ALK: variants seen among roughly 807,000 people sequenced by gnomAD.
ALK encodes the protein ALK receptor tyrosine kinase.
A neutral mutation model predicts 163.1 loss-of-function variants in ALK; 74 were observed. That is an observed-to-expected ratio of 0.45 (90% CI 0.38 to 0.55). The LOEUF is 0.55. Ranked by LOEUF, ALK falls within the 20% of genes least tolerant of loss-of-function variation. The pLI, the probability that ALK is intolerant of heterozygous loss-of-function variation, is 0.00. For missense variants in ALK, 2,063 were observed against 2,105.3 expected (o/e 0.98, Z 0.39); for synonymous variants, 960 against 843.2 (o/e 1.14, Z -2.40).
rs151065706 is a variant in ALK at position 29,708,631 on chromosome 2, A to G, written c.787+8947T>C. ...TTCAAGGGATGAGTTGTGTAAAGCAACAGATGGGACTGAAATGTGAGAAAA... is the reference window on the plus strand; with the variant it reads ...TTCAAGGGATGAGTTGTGTAAAGCAGCAGATGGGACTGAAATGTGAGAAAA... On this transcript the variant is annotated intron_variant, in intron 2 of 28. Transcript: ENST00000389048. Among the ~76,000 whole-genome samples the G allele has an allele frequency of 1.8e-3, 278 of 152,296 alleles. 1 individual carries two copies. Among genetic ancestry groups the G allele is most frequent in the African/African-American group, 6.1e-3 (255 of 41,562 alleles).
intron 4 of ALK, among the ~76,000 whole-genome samples, chr2:29,438,453 T>C (rs989671434): frequency 6.6e-6 from 1 of 152,220 alleles, no homozygotes; most frequent in Admixed American, 6.5e-5. Flanking sequence ...GCAGGCACCA[T>C]GACATAGGAA....
intron 1 of ALK, among the ~76,000 whole-genome samples, chr2:29,735,305 C>T (rs1024766616): frequency 6.6e-6 from 1 of 152,022 alleles, no homozygotes; most frequent in South Asian, 2.1e-4. Flanking sequence ...AGTGTTGATA[C>T]TTTTGACTGA....
chr2:29,660,555 G>T (rs1677317556), intron 3 of ALK, among the ~76,000 whole-genome samples: 1 of 152,028 alleles, frequency 6.6e-6, no homozygotes, highest in African/African-American at 2.4e-5. Flanking sequence ...TGGAGATGGG[G>T]TGTGATGAGA....
chr2:29,883,071 G>A (rs1237984547), intron 1 of ALK, among the ~76,000 whole-genome samples: 3 of 151,336 alleles, frequency 2.0e-5, no homozygotes, highest in Admixed American at 6.6e-5. Context: ...AGAGAGAGAC[G>A]ACAGAGAGAG....
At position 29,497,204 on chromosome 2, in the gene ALK, G is replaced by A. The variant is rs971753969; in HGVS notation, c.1154+34711C>T. ...GGAGAATCGCTTGAACCTGGGAGACGGAGGTTGCAGTGAGCCGAAATAGTG... is the reference window on the plus strand; with the variant it reads ...GGAGAATCGCTTGAACCTGGGAGACAGAGGTTGCAGTGAGCCGAAATAGTG... On this transcript the variant is annotated intron_variant, in intron 4 of 28. Coordinates refer to ENST00000389048, the MANE Select transcript of ALK (RefSeq NM_004304.5). Among the ~76,000 whole-genome samples, 10 of 152,068 alleles carry A rather than the reference G, an allele frequency of 6.6e-5. No homozygotes were observed. In the East Asian group the frequency reaches 9.7e-4, roughly 15 times the overall value.
chr2:29,659,544 G>T (rs577609216), intron 3 of ALK, among the ~76,000 whole-genome samples: 2 of 152,226 alleles, frequency 1.3e-5, no homozygotes, highest in South Asian at 2.1e-4. Context: ...TAAGCACTAC[G>T]TTATACAACA....
At chr2:29,336,777 G>C (rs1028603756) in intron 5 of ALK, among the ~76,000 whole-genome samples, 2 of 152,104 alleles carry the variant, frequency 1.3e-5, no homozygotes, top group African/African-American at 4.8e-5. Context: ...TTTTAATTAG[G>C]GTGATTTATG....
intron 1 of ALK, among the ~76,000 whole-genome samples, chr2:29,832,387 T>C (rs1296816883): frequency 6.6e-6 from 1 of 152,070 alleles, no homozygotes; most frequent in Non-Finnish European, 1.5e-5. Flanking sequence ...TGAGGTGAAT[T>C]GAAGAGGAAG....
At chr2:29,304,978 A>G (rs184727114) in intron 8 of ALK, among the ~76,000 whole-genome samples, 1 of 152,314 alleles carries the variant, frequency 6.6e-6, no homozygotes, top group East Asian at 1.9e-4. Context: ...AGAGACTCTG[A>G]TTTAAGTAGA....
At chr2:29,877,731 G>A (rs1257338018) in intron 1 of ALK, among the ~76,000 whole-genome samples, 1 of 152,092 alleles carries the variant, frequency 6.6e-6, no homozygotes, top group Non-Finnish European at 1.5e-5. Context: ...CCTCCCACAC[G>A]CTGGCTCTGC....
chr2:29,523,440 C>G (rs12614111), intron 4 of ALK, among the ~76,000 whole-genome samples: 41,047 of 152,038 alleles, frequency 0.27, 6,205 homozygotes, highest in Non-Finnish European at 0.34. Context: ...CAGAGTCCAA[C>G]CAGTGCCTGG....
At chr2:29,389,840 T>G (rs1377817925) in intron 4 of ALK, among the ~76,000 whole-genome samples, 1 of 152,140 alleles carries the variant, frequency 6.6e-6, no homozygotes, top group Admixed American at 6.5e-5. Flanking sequence ...ATCACATAAC[T>G]CTTGGCCTCC....
intron 4 of ALK, among the ~76,000 whole-genome samples, chr2:29,530,113 T>C (rs1380670343): frequency 6.7e-6 from 1 of 149,898 alleles, no homozygotes; most frequent in African/African-American, 2.5e-5. Flanking sequence ...TCCCTTTCTC[T>C]TTCCCAACTC....
chr2:29,854,822 T>A (rs1666096545), intron 1 of ALK, among the ~76,000 whole-genome samples: 1 of 152,242 alleles, frequency 6.6e-6, no homozygotes, highest in Admixed American at 6.5e-5. Context: ...CCAGCAATGT[T>A]CTAAATACTT....
At chr2:29,750,296 G>C (rs571568439) in intron 1 of ALK, among the ~76,000 whole-genome samples, 3 of 152,310 alleles carry the variant, frequency 2.0e-5, no homozygotes, top group East Asian at 1.9e-4. Flanking sequence ...CCACAGTACA[G>C]CATGTTACTG....
At chr2:29,722,046 C>A (rs1345170703) in intron 1 of ALK, among the ~76,000 whole-genome samples, 1 of 152,236 alleles carries the variant, frequency 6.6e-6, no homozygotes, top group African/African-American at 2.4e-5. Flanking sequence ...GCAGCATTTG[C>A]CCCTGCAATC....
intron 4 of ALK, among the ~76,000 whole-genome samples, chr2:29,485,126 C>G (rs1671750016): frequency 6.6e-6 from 1 of 152,176 alleles, no homozygotes; most frequent in Non-Finnish European, 1.5e-5. Context: ...TGATCCTCCT[C>G]CATCTCTTCC....
At chr2:29,657,275 G>C (rs1677211302) in intron 3 of ALK, among the ~76,000 whole-genome samples, 2 of 152,120 alleles carry the variant, frequency 1.3e-5, no homozygotes, top group Admixed American at 1.3e-4. Context: ...GGATTAGAAA[G>C]ACCACTTGAC....
chr2:29,478,465 C>T (rs1191791954), intron 4 of ALK, among the ~76,000 whole-genome samples: 1 of 152,232 alleles, frequency 6.6e-6, no homozygotes, highest in Non-Finnish European at 1.5e-5. Flanking sequence ...GAGCCTTGGA[C>T]AGGCGGAGGA....
Sources: allele counts gnomAD v4.1 joint callset (sites outside exome capture counted in the v4.1 genomes callset), GRCh38; gene constraint gnomAD v4.1.1; transcripts MANE v1.5; gene names NCBI Gene and HGNC (gene_info 2026-07-23, HGNC 2026-07-21).